Variants in SORBS2 observed in about 807,000 individuals in gnomAD.
The protein encoded by SORBS2 is sorbin and SH3 domain containing 2.
In SORBS2, 46 loss-of-function variants were observed where a neutral mutation model predicts 97.7. That is an observed-to-expected ratio of 0.47 (90% CI 0.37 to 0.60). SORBS2 has a LOEUF of 0.60. Ranked by LOEUF, SORBS2 falls within the 20% of genes least tolerant of loss-of-function variation. The pLI, the probability that SORBS2 is intolerant of heterozygous loss-of-function variation, is 0.00. For missense variants in SORBS2, 1,316 were observed against 1,282.3 expected (o/e 1.03, Z -0.40); for synonymous variants, 476 against 473.4 (o/e 1.01, Z -0.07).
At position 185,607,365 on chromosome 4, in the gene SORBS2, G is replaced by A. The variant is rs1010820062; in HGVS notation, c.2796+4415C>T. 1.4e-5 allele frequency: 17 copies of A among 1,245,232 alleles called. No homozygotes were observed. Among genetic ancestry groups the A allele is most frequent in the African/African-American group, 9.3e-5 (6 of 64,622 alleles). The allele number at this position is 1,245,232 out of a possible 1,614,324, so 77.1% of individuals were successfully genotyped here. A position where few individuals can be genotyped will look rare whatever the true frequency, so the allele number is the denominator to read the frequency against. ...TGGAAGCCAACTTGGAAATGAGCAC[G>A]GATTATGAAGTTAAGAAAAAATAAA... On this transcript the variant is annotated intron_variant, in intron 12 of 14. Coordinates refer to ENST00000418609, the Ensembl canonical transcript of SORBS2. The surrounding 1 kb of genome is among the most constrained non-coding windows in gnomAD (Gnocchi z 5.2).
intron 1 of SORBS2, among the ~76,000 whole-genome samples, chr4:185,795,850 C>A (rs1261789235): frequency 2.0e-5 from 3 of 152,162 alleles, no homozygotes; most frequent in Non-Finnish European, 1.5e-5. Flanking sequence ...CTTCTTCCCC[C>A]AAAACACTTT....
At chr4:185,905,028 T>G (rs7698883) in intron 1 of SORBS2, among the ~76,000 whole-genome samples, 1 of 151,682 alleles carries the variant, frequency 6.6e-6, no homozygotes, top group Non-Finnish European at 1.5e-5. Flanking sequence ...CGCTTGAACC[T>G]GGGAGGCAGA....
chr4:185,911,922 A>C (rs1241682533), intron 1 of SORBS2, among the ~76,000 whole-genome samples: 2 of 152,246 alleles, frequency 1.3e-5, no homozygotes, highest in Non-Finnish European at 2.9e-5. Context: ...AGATGGCTGC[A>C]GGGCACAGAT....
At chr4:185,884,047 G>C (rs1417420118) in intron 1 of SORBS2, among the ~76,000 whole-genome samples, 1 of 152,174 alleles carries the variant, frequency 6.6e-6, no homozygotes, top group Admixed American at 6.5e-5. Flanking sequence ...GGAGGAAGAA[G>C]GTTCAAGGTA....
intron 1 of SORBS2, among the ~76,000 whole-genome samples, chr4:185,833,702 C>G (rs1036729914): frequency 3.9e-5 from 6 of 152,108 alleles, no homozygotes; most frequent in Admixed American, 3.9e-4. Context: ...AGGATTTACA[C>G]AGGACATTTA....
intron 1 of SORBS2, among the ~76,000 whole-genome samples, chr4:185,891,794 G>A (rs1211338082): frequency 6.6e-6 from 1 of 152,154 alleles, no homozygotes; most frequent in Non-Finnish European, 1.5e-5. Flanking sequence ...AATTGGTTTT[G>A]TCTGTGTAGT....
intron 1 of SORBS2, among the ~76,000 whole-genome samples, chr4:185,809,319 G>A (rs2099169303): frequency 2.7e-5 from 4 of 150,218 alleles, no homozygotes; most frequent in South Asian, 2.1e-4. Context: ...AAAGTCAGAA[G>A]TAAGATTCAG....
intron 1 of SORBS2, among the ~76,000 whole-genome samples, chr4:185,843,053 G>A (rs2153678112): frequency 6.6e-6 from 1 of 152,212 alleles, no homozygotes; most frequent in South Asian, 2.1e-4. Flanking sequence ...GTCCGTACAT[G>A]GGTGACACTG....
chr4:185,799,748 C>T (rs887315446), intron 1 of SORBS2, among the ~76,000 whole-genome samples: 11 of 152,184 alleles, frequency 7.2e-5, no homozygotes, highest in African/African-American at 2.7e-4. Context: ...AGATGCAGTG[C>T]TCTCATCAAC....
intron 1 of SORBS2, among the ~76,000 whole-genome samples, chr4:185,942,546 T>C (rs2099272582): frequency 6.6e-6 from 1 of 152,086 alleles, no homozygotes; most frequent in Non-Finnish European, 1.5e-5. Flanking sequence ...AGCTGGGGTT[T>C]CACCATGTTG....
chr4:185,874,452 C>A (rs990059538), intron 1 of SORBS2, among the ~76,000 whole-genome samples: 41 of 152,098 alleles, frequency 2.7e-4, no homozygotes, highest in Non-Finnish European at 5.1e-4. Context: ...CTGGAACAGG[C>A]CTGGTTCAAA....
rs150093709 is a variant in SORBS2 at position 185,590,417 on chromosome 4, G to T, written c.2847-632C>A. Reference sequence around the variant, plus strand: ...GTTATGGTTTGGATCAGTGTTTTCTGAGGATGTAGAATTGGAAGATTTGAT... The same window carrying T: ...GTTATGGTTTGGATCAGTGTTTTCTTAGGATGTAGAATTGGAAGATTTGAT... On this transcript the variant is annotated intron_variant, in intron 13 of 14. Transcript: ENST00000418609. Among the ~76,000 whole-genome samples the T allele has an allele frequency of 2.5e-3, 378 of 152,238 alleles. 6 individuals are homozygous for T. Among genetic ancestry groups the T allele is most frequent in the African/African-American group, 8.6e-3 (358 of 41,552 alleles).
At chr4:185,608,345 G>A (rs1412797657) in intron 12 of SORBS2, among the ~76,000 whole-genome samples, 2 of 152,070 alleles carry the variant, frequency 1.3e-5, no homozygotes, top group Admixed American at 6.5e-5. Flanking sequence ...ACATAACTAC[G>A]GCTTCAAAGT....
intron 1 of SORBS2, among the ~76,000 whole-genome samples, chr4:185,897,875 C>CAA (rs201620963): frequency 7.4e-5 from 11 of 148,102 alleles, no homozygotes; most frequent in African/African-American, 1.2e-4. Flanking sequence ...TGTCTCCACT[C>CAA]AAAAAAAAAA....
chr4:185,922,650 G>A (rs2099261442), intron 1 of SORBS2, among the ~76,000 whole-genome samples: 1 of 152,148 alleles, frequency 6.6e-6, no homozygotes, highest in South Asian at 2.1e-4. Context: ...TCTCCTTCAT[G>A]AAATTACAGC....
At chr4:185,762,657 A>G (rs2098904638) in intron 2 of SORBS2, among the ~76,000 whole-genome samples, 1 of 152,240 alleles carries the variant, frequency 6.6e-6, no homozygotes, top group Non-Finnish European at 1.5e-5. Flanking sequence ...ACTTGTCTCC[A>G]CATTTGTTTC....
chr4:185,593,678 T>G (rs894652763), intron 13 of SORBS2: 8 of 534,128 alleles, frequency 1.5e-5, no homozygotes, highest in Admixed American at 1.1e-4. Flanking sequence ...AATTAAAATC[T>G]TCTCAGAGAA....
chr4:185,858,807 T>A (rs1165080040), intron 1 of SORBS2, among the ~76,000 whole-genome samples: 1 of 152,192 alleles, frequency 6.6e-6, no homozygotes, highest in Non-Finnish European at 1.5e-5. Flanking sequence ...ATGGAAAAAA[T>A]GTGACAACTT....
At chr4:185,614,806 A>G (rs1197017777) in intron 11 of SORBS2, 25 bp downstream of exon 23, 1 of 1,612,544 alleles carries the variant, frequency 6.2e-7, no homozygotes, top group Non-Finnish European at 8.5e-7. Flanking sequence ...ACAAAAACAA[A>G]CAAACAAAAA....
Sources: gnomAD v4.1 joint callset for allele counts (sites outside exome capture counted in the v4.1 genomes callset) on GRCh38, gnomAD v4.1.1 for gene constraint, Gnocchi (gnomAD v3.1) non-coding constraint, MANE v1.5 for transcripts, NCBI Gene and HGNC (gene_info 2026-07-23, HGNC 2026-07-21) for gene names.